The following DCAF5 variants were observed in gnomAD, a reference collection of about 807,000 sequenced individuals.
DCAF5 encodes DDB1 and CUL4 associated factor 5.
Under a neutral mutation model 80.7 loss-of-function variants are expected in DCAF5, and 9 were observed. The observed-to-expected ratio is 0.11, with a 90% CI of 0.07 to 0.19. The LOEUF (loss-of-function observed/expected upper bound fraction) is 0.19. DCAF5 is among the 10% of genes least tolerant of loss of function. The probability of loss-of-function intolerance (pLI) is 1.00; values close to 1 mark genes in which losing one functional copy is unlikely to be tolerated. For synonymous variants in DCAF5, 433 were observed against 461.9 expected, an observed-to-expected ratio of 0.94 and a Z score of 0.80; for missense variants, 842 against 1,205.7, an observed-to-expected ratio of 0.70 and a Z score of 4.47.
rs746935967 is a variant in DCAF5, at chr14:69,152,719, TGGGAGGGTGCG to T, written c.214+35_214+45del. ...ACGGGGGAGAGCGAGAGGGGGAGGC[TGGGAGGGTGCG>T]GGGAGGCGCGGGGAGGGGAAGGGGG... On this transcript the variant is annotated intron_variant, in intron 1 of 8. Coordinates refer to ENST00000341516, the MANE Select transcript of DCAF5 (RefSeq NM_003861.3). This position sits in a 1 kb window ranked among gnomAD's most constrained non-coding sequence, Gnocchi z 4.1. The T allele has an allele frequency of 7.9e-7, 1 of 1,268,258 alleles. No homozygotes were observed. The highest frequency in any genetic ancestry group is 2.5e-5 in the Admixed American group (1 of 39,998). The allele number at this position is 1,268,258 out of a possible 1,614,324, so 78.6% of individuals were successfully genotyped here.
At chr14:69,146,934 G>C (rs1350343932) in intron 1 of DCAF5, among the ~76,000 whole-genome samples, 1 of 152,162 alleles carries the variant, frequency 6.6e-6, no homozygotes, top group Admixed American at 6.5e-5. Flanking sequence ...TATTTCTCCT[G>C]ATAAGTAACT....
At chr14:69,075,070 G>T (rs1366524666) in intron 7 of DCAF5, among the ~76,000 whole-genome samples, 3 of 151,586 alleles carry the variant, frequency 2.0e-5, no homozygotes, top group Non-Finnish European at 4.4e-5. Flanking sequence ...AATAGGAGGA[G>T]ACTGGAAATA....
rs2037911149 is a variant in DCAF5, at chr14:69,055,152, G to A, written c.1534C>T (p.Arg512Cys). Residue 512 changes from arginine to cysteine, a missense_variant, in exon 9 of 9, where the codon CGT becomes TGT. Physicochemically the swap from Arg to Cys is radical, Grantham distance 180. Coordinates refer to ENST00000341516, the MANE Select transcript of DCAF5 (RefSeq NM_003861.3). The surrounding 1 kb of genome is among the most constrained non-coding windows in gnomAD (Gnocchi z 5.6). ...TCEDAASRQQ[R>C]LSALRRYQDK... ...TGGTAGCGCCGCAGAGCAGACAGAC[G>A]CTGCTGGCGAGAGGCTGCATCCTCA... 5.6e-6 allele frequency: 9 copies of A among 1,614,236 alleles called. No homozygotes were observed. The highest frequency in any genetic ancestry group is 7.6e-6 in the Non-Finnish European group (9 of 1,180,036).
intron 1 of DCAF5, among the ~76,000 whole-genome samples, chr14:69,140,634 A>C (rs1016453959): frequency 1.3e-5 from 2 of 152,232 alleles, no homozygotes; most frequent in Non-Finnish European, 2.9e-5. Context: ...GAAGACTGTA[A>C]AAACAAAAAA....
In DCAF5 at chr14:69,050,917, A is replaced by C. The variant is rs1274373002; in HGVS notation, c.*2940T>G. 6.5e-6 allele frequency: 1 copy of C among 152,672 alleles called. No individual in the cohort carries two copies. The highest frequency in any genetic ancestry group is 1.5e-5 in the Non-Finnish European group (1 of 68,038). The allele number at this position is 152,672 out of a possible 1,614,324, so 9.5% of individuals were successfully genotyped here. On this transcript the variant is annotated 3_prime_UTR_variant, in exon 9 of 9. Coordinates refer to ENST00000341516, the MANE Select transcript of DCAF5 (RefSeq NM_003861.3). ...GTCTTCCCTGGAAGAGAAGAGGAAGACGTGAGAAGTGAATAATAGGTTTAT... is the reference window on the plus strand; with the variant it reads ...GTCTTCCCTGGAAGAGAAGAGGAAGCCGTGAGAAGTGAATAATAGGTTTAT...
At chr14:69,073,545 T>C (rs1368522751) in intron 7 of DCAF5, among the ~76,000 whole-genome samples, 2 of 152,064 alleles carry the variant, frequency 1.3e-5, no homozygotes, top group South Asian at 2.1e-4. Flanking sequence ...CCCAGCACTT[T>C]GGGAGGCTAA....
chr14:69,097,006 G>C (rs935244457), intron 5 of DCAF5, among the ~76,000 whole-genome samples: 1 of 152,092 alleles, frequency 6.6e-6, no homozygotes, highest in African/African-American at 2.4e-5. Flanking sequence ...GGGGGTGGGA[G>C]GATATGCAGG....
At chr14:69,139,572 G>C in intron 1 of DCAF5, among the ~76,000 whole-genome samples, 1 of 151,208 alleles carries the variant, frequency 6.6e-6, no homozygotes, top group East Asian at 2.0e-4. Context: ...CCAGTACTTT[G>C]GGAGGCTGAG....
chr14:69,094,309 T>G (rs1057013196), intron 5 of DCAF5, among the ~76,000 whole-genome samples: 1 of 152,172 alleles, frequency 6.6e-6, no homozygotes, highest in Non-Finnish European at 1.5e-5. Context: ...AGGACAGGCA[T>G]GTGGGCCATC....
At chr14:69,122,172 A>G (rs1204309919) in intron 2 of DCAF5, 45 bp downstream of exon 2, 1 of 1,590,086 alleles carries the variant, frequency 6.3e-7, no homozygotes, top group Admixed American at 1.7e-5. Flanking sequence ...TTTCTCTAAA[A>G]TCCCAACCAC....
In DCAF5 at chr14:69,055,220, G is replaced by A. The variant is rs991762738; in HGVS notation, c.1466C>T (p.Thr489Ile). ...NAFHLGPLRV[T>I]TTNTVASTPP... is the part of the protein sequence containing the mutation. The stretch of plus-strand genomic sequence containing the variant: ...AGTTGAGGCTACTGTGTTTGTGGTG[G>A]TGACCCGCAGGGGCCCCAGGTGGAA... Residue 489 changes from threonine (T) to isoleucine (I), a missense_variant, in exon 9 of 9, where the codon ACC becomes ATC. By Grantham distance (89) the Thr-to-Ile change is moderately conservative. Coordinates refer to ENST00000341516, the MANE Select transcript of DCAF5 (RefSeq NM_003861.3). The surrounding 1 kb of genome is among the most constrained non-coding windows in gnomAD (Gnocchi z 5.6). 2.5e-6 allele frequency: 4 copies of A among 1,614,108 alleles called. No individual in the cohort carries two copies. In the African/African-American group the frequency reaches 5.3e-5, roughly 22 times the overall value.
At chr14:69,096,250 C>G (rs10498528) in intron 5 of DCAF5, among the ~76,000 whole-genome samples, 2,266 of 152,194 alleles carry the variant, frequency 0.015, 44 homozygotes, top group East Asian at 0.056. Flanking sequence ...TTTTGTTTTC[C>G]TAATGCACTC....
chr14:69,091,557 G>A (rs2039534375), intron 6 of DCAF5, 117 bp downstream of exon 6: 1 of 947,132 alleles, frequency 1.1e-6, no homozygotes, highest in East Asian at 2.5e-5. Context: ...GGCACTCACT[G>A]TTTCCCCTTA....
chr14:69,124,155 C>T (rs1237551003), intron 1 of DCAF5, among the ~76,000 whole-genome samples: 2 of 152,136 alleles, frequency 1.3e-5, no homozygotes, highest in Non-Finnish European at 2.9e-5. Context: ...TCAGAATTTC[C>T]TTGCTTTCTA....
intron 5 of DCAF5, among the ~76,000 whole-genome samples, chr14:69,104,334 A>G (rs2040058967): frequency 1.3e-5 from 2 of 152,154 alleles, no homozygotes; most frequent in Non-Finnish European, 2.9e-5. Context: ...GGCATTTTTA[A>G]TTTCTTTATG....
intron 6 of DCAF5, among the ~76,000 whole-genome samples, chr14:69,081,783 G>T (rs370595624): frequency 6.6e-6 from 1 of 152,062 alleles, no homozygotes; most frequent in Admixed American, 6.6e-5. Flanking sequence ...TGTGTTTGTG[G>T]TGCGTGCTTA....
At chr14:69,121,854 A>G (rs962844565) in intron 2 of DCAF5, among the ~76,000 whole-genome samples, 4 of 152,204 alleles carry the variant, frequency 2.6e-5, no homozygotes, top group Non-Finnish European at 5.9e-5. Context: ...ATCTTTAAAA[A>G]TGAAATCGAA....
intron 5 of DCAF5, among the ~76,000 whole-genome samples, chr14:69,106,875 A>C (rs1011183069): frequency 3.9e-5 from 6 of 151,984 alleles, no homozygotes; most frequent in Admixed American, 2.6e-4. Context: ...CCCCATCTCT[A>C]CTAAAAATAC....
chr14:69,078,085 T>C (rs2038968042), intron 6 of DCAF5, among the ~76,000 whole-genome samples: 1 of 152,190 alleles, frequency 6.6e-6, no homozygotes, highest in Non-Finnish European at 1.5e-5. Flanking sequence ...AGTGATTTGA[T>C]AAGTCACTCC....
Sources: allele counts gnomAD v4.1 joint callset (sites outside exome capture counted in the v4.1 genomes callset), GRCh38; gene constraint gnomAD v4.1.1; non-coding constraint Gnocchi (gnomAD v3.1); transcripts MANE v1.5; gene names NCBI Gene and HGNC (gene_info 2026-07-23, HGNC 2026-07-21).